Variants in SLC38A9 observed in about 807,000 individuals in gnomAD.
The protein encoded by SLC38A9 is solute carrier family 38 member 9.
Under a neutral mutation model 62.3 loss-of-function variants are expected in SLC38A9, and 48 were observed. The ratio of observed to expected loss-of-function variants is 0.77; its 90% CI spans 0.61 to 0.98. The LOEUF (loss-of-function observed/expected upper bound fraction) is 0.98. Ranked by LOEUF, SLC38A9 falls within the 50% of genes least tolerant of loss-of-function variation. SLC38A9 has a pLI of 0.00. For missense variants in SLC38A9, 541 were observed against 679.8 expected (o/e 0.80, Z 2.27); for synonymous variants, 204 against 227.7 (o/e 0.90, Z 0.94).
chr5:55,633,498 T>TAAAA, intron 14 of SLC38A9: 1 of 379,450 alleles, frequency 2.6e-6, no homozygotes. Context: ...CAATAGCAAT[T>TAAAA]AAATAATAAG....
intron 3 of SLC38A9, among the ~76,000 whole-genome samples, chr5:55,685,638 T>TTTAA (rs1753682917): frequency 6.6e-6 from 1 of 152,196 alleles, no homozygotes; most frequent in Non-Finnish European, 1.5e-5. Flanking sequence ...TTTTTTAACT[T>TTTAA]TTAAGTTCAG....
Position 55,652,611 on chromosome 5 carries a change from T to G in SLC38A9, c.870A>C (p.Thr290=). The change falls in exon 10 of 16, where the codon ACA becomes ACC. Residue 290 remains threonine, a synonymous_variant. Transcript: ENST00000396865. ...QFEKWWDKSR[T]VPFYLVGLLL... ...GGAGCCCTACAAGATAAAAGGGGAC[T>G]GTCCTGGACTTATCCCACCACTTTT... 6.2e-7 allele frequency: 1 copy of G among 1,611,904 alleles called. No homozygotes were observed. The highest frequency in any genetic ancestry group is 1.3e-5 in the African/African-American group (1 of 75,010).
intron 14 of SLC38A9, among the ~76,000 whole-genome samples, chr5:55,632,807 A>G (rs1217524552): frequency 2.0e-5 from 3 of 152,164 alleles, no homozygotes; most frequent in Non-Finnish European, 4.4e-5. Flanking sequence ...GCAGATGAAA[A>G]AAACACATGC....
In SLC38A9 at chr5:55,669,564, A is replaced by G; in HGVS notation, c.425T>C (p.Ile142Thr). The G allele has an allele frequency of 6.2e-7, 1 of 1,606,138 alleles. No homozygotes were observed. The highest frequency in any genetic ancestry group is 8.5e-7 in the Non-Finnish European group (1 of 1,176,242). ...GTSILSIPWG[I>T]KQAGFTTGMC... ...CTGAAAAATTAGTATTACCTGTTTT[A>G]TGCCCCAAGGAATGCTTAGTATAGA... Residue 142 changes from isoleucine to threonine, a missense_variant, in exon 6 of 16, where the codon ATA (isoleucine) becomes ACA (threonine). By Grantham distance (89) the Ile-to-Thr change is moderately conservative. Coordinates refer to ENST00000396865, the MANE Select transcript of SLC38A9 (RefSeq NM_173514.4).
intron 15 of SLC38A9, among the ~76,000 whole-genome samples, chr5:55,627,038 G>C (rs774302543): frequency 6.6e-6 from 1 of 152,012 alleles, no homozygotes; most frequent in Non-Finnish European, 1.5e-5. Flanking sequence ...TAGCATCCCG[G>C]TTTAAGTATA....
chr5:55,676,367 CAG>C (rs1025186573), intron 3 of SLC38A9, among the ~76,000 whole-genome samples: 2 of 152,080 alleles, frequency 1.3e-5, no homozygotes, highest in Admixed American at 6.6e-5. Context: ...TTTATAGAGA[CAG>C]GGTCTCGCCA....
chr5:55,639,272 TAAAAAAA>T (rs753043231), intron 12 of SLC38A9, among the ~76,000 whole-genome samples: 2 of 54,650 alleles, frequency 3.7e-5, no homozygotes, highest in Non-Finnish European at 7.5e-5. Flanking sequence ...AAACTCTGTC[TAAAAAAA>T]AAAAAAAAAA....
intron 8 of SLC38A9, among the ~76,000 whole-genome samples, chr5:55,661,533 A>G (rs1471660058): frequency 2.0e-5 from 3 of 151,950 alleles, no homozygotes; most frequent in Non-Finnish European, 4.4e-5. Context: ...TGCAATGTCA[A>G]TCAAATTCTA....
intron 12 of SLC38A9, among the ~76,000 whole-genome samples, chr5:55,636,205 A>G (rs1469492023): frequency 2.6e-5 from 4 of 152,256 alleles, no homozygotes; most frequent in African/African-American, 9.6e-5. Flanking sequence ...AGACAAGCTT[A>G]ATAAATCTAA....
At chr5:55,654,414 T>C (rs1748047509) in intron 9 of SLC38A9, among the ~76,000 whole-genome samples, 1 of 152,092 alleles carries the variant, frequency 6.6e-6, no homozygotes, top group Non-Finnish European at 1.5e-5. Context: ...GGCCAAGAGT[T>C]TGAGACTAGC....
At chr5:55,666,766 G>A (rs375613375) in intron 7 of SLC38A9, among the ~76,000 whole-genome samples, 165 of 152,248 alleles carry the variant, frequency 1.1e-3, no homozygotes, top group African/African-American at 3.8e-3. Flanking sequence ...AGTGGCTCAC[G>A]CCTGTAATCC....
intron 8 of SLC38A9, among the ~76,000 whole-genome samples, chr5:55,657,059 C>T (rs1404619738): frequency 1.3e-5 from 2 of 152,096 alleles, no homozygotes; most frequent in African/African-American, 2.4e-5. Context: ...AAACAGGTTT[C>T]ACCGTGTTAG....
intron 2 of SLC38A9, among the ~76,000 whole-genome samples, chr5:55,700,112 G>A (rs1010738981): frequency 2.1e-4 from 32 of 151,988 alleles, no homozygotes; most frequent in Admixed American, 5.2e-4. Context: ...GGGTCGAGGT[G>A]GGCAGATCAC....
intron 3 of SLC38A9, among the ~76,000 whole-genome samples, chr5:55,680,378 C>A (rs1752832681): frequency 6.6e-6 from 1 of 152,172 alleles, no homozygotes; most frequent in South Asian, 2.1e-4. Flanking sequence ...GTGTTCCCTC[C>A]AAAATTAAGG....
chr5:55,648,620 AAC>A (rs1209156074), intron 11 of SLC38A9, among the ~76,000 whole-genome samples: 1 of 152,244 alleles, frequency 6.6e-6, no homozygotes, highest in Non-Finnish European at 1.5e-5. Flanking sequence ...GTATGAAAAA[AAC>A]AGACAGTTAA....
At chr5:55,700,175 T>C (rs1198619414) in intron 2 of SLC38A9, among the ~76,000 whole-genome samples, 1 of 151,908 alleles carries the variant, frequency 6.6e-6, no homozygotes, top group Non-Finnish European at 1.5e-5. Context: ...ACCCCGTCTC[T>C]ACTAAAAACA....
At position 55,626,393 on chromosome 5, in the gene SLC38A9, T is replaced by C. The variant is rs1328012113; in HGVS notation, c.*101A>G. On this transcript the variant is annotated 3_prime_UTR_variant, in exon 16 of 16. Transcript: ENST00000396865. ...GCTTTCAAATTATCTTAGAAAATAT[T>C]TAGAATTACACAACAGCAGCATTTA... is the stretch of plus-strand genomic sequence containing the variant. The C allele has an allele frequency of 6.7e-6, 7 of 1,041,588 alleles. No homozygotes were observed. Among genetic ancestry groups the C allele is most frequent in the Non-Finnish European group, 9.7e-6 (7 of 722,716 alleles). The allele number at this position is 1,041,588 out of a possible 1,614,324, so 64.5% of individuals were successfully genotyped here.
intron 2 of SLC38A9, chr5:55,702,670 G>T (rs1756821147): frequency 1.3e-5 from 2 of 151,866 alleles, no homozygotes; most frequent in African/African-American, 4.8e-5. Flanking sequence ...AGCCTCTTGA[G>T]GTTTTCCCTT....
At chr5:55,670,542 G>A (rs1212301095) in intron 4 of SLC38A9, among the ~76,000 whole-genome samples, 2 of 152,140 alleles carry the variant, frequency 1.3e-5, no homozygotes, top group Non-Finnish European at 2.9e-5. Flanking sequence ...AACGAGTGTG[G>A]ATGTATACAC....
Sources: gnomAD v4.1 joint callset for allele counts (sites outside exome capture counted in the v4.1 genomes callset) on GRCh38, gnomAD v4.1.1 for gene constraint, MANE v1.5 for transcripts, NCBI Gene and HGNC (gene_info 2026-07-23, HGNC 2026-07-21) for gene names.